FRMD3: variants seen among roughly 807,000 people sequenced by gnomAD.
FRMD3 encodes the protein FERM domain-containing protein 3.
Under a neutral mutation model 70.2 loss-of-function variants are expected in FRMD3, and 33 were observed. That is an observed-to-expected ratio of 0.47 (90% CI 0.36 to 0.63). The LOEUF is 0.63. Ranked by LOEUF, FRMD3 falls within the 20% of genes least tolerant of loss-of-function variation. The pLI is 0.00. For synonymous variants in FRMD3, 279 were observed against 255.9 expected (o/e 1.09, Z -0.86); for missense variants, 632 against 711.4 (o/e 0.89, Z 1.27).
At chr9:83,542,730 A>G (rs1830012576), upstream of FRMD3, among the ~76,000 whole-genome samples, 1 of 152,238 alleles carries the variant, frequency 6.6e-6, no homozygotes, top group African/African-American at 2.4e-5. Flanking sequence ...TCAAGGCAGT[A>G]TGGTACTGGC....
At chr9:83,389,477 C>G in intron 2 of FRMD3, 127 bp downstream of exon 2, 1 of 671,022 alleles carries the variant, frequency 1.5e-6, no homozygotes, top group African/African-American at 1.8e-5. Context: ...TCTGCTCACA[C>G]AGGGTTTCAT....
chr9:83,414,401 A>G (rs943143435), intron 1 of FRMD3, among the ~76,000 whole-genome samples: 5 of 152,238 alleles, frequency 3.3e-5, no homozygotes, highest in African/African-American at 9.6e-5. Context: ...ATATAAGAGT[A>G]CATCATCATG....
intron 1 of FRMD3, among the ~76,000 whole-genome samples, chr9:83,399,001 G>A (rs1825878715): frequency 6.6e-6 from 1 of 152,230 alleles, no homozygotes; most frequent in South Asian, 2.1e-4. Flanking sequence ...AAACCCAACT[G>A]CTTATCTAAT....
chr9:83,301,685 A>G (rs1834935514), intron 10 of FRMD3, among the ~76,000 whole-genome samples: 1 of 152,258 alleles, frequency 6.6e-6, no homozygotes. Flanking sequence ...GTTTGGCCTT[A>G]GCTCTGGCCC....
intron 6 of FRMD3, among the ~76,000 whole-genome samples, chr9:83,331,210 T>C (rs1439557962): frequency 1.3e-5 from 2 of 152,242 alleles, no homozygotes; most frequent in Non-Finnish European, 2.9e-5. Flanking sequence ...CAAGATGTCT[T>C]TCAGCAGGTA....
chr9:83,514,455 A>G (rs1458428416), intron 1 of FRMD3, among the ~76,000 whole-genome samples: 1 of 152,228 alleles, frequency 6.6e-6, no homozygotes, highest in Non-Finnish European at 1.5e-5. Flanking sequence ...GAAAGGCAGC[A>G]GCTCCAGTCA....
At chr9:83,370,673 A>T (rs1221523786) in intron 3 of FRMD3, among the ~76,000 whole-genome samples, 1 of 152,186 alleles carries the variant, frequency 6.6e-6, no homozygotes, top group African/African-American at 2.4e-5. Flanking sequence ...ACACTTTGGG[A>T]GGCAGAGGCA....
intron 7 of FRMD3, among the ~76,000 whole-genome samples, chr9:83,312,358 G>A (rs1237634409): frequency 6.6e-6 from 1 of 152,136 alleles, no homozygotes; most frequent in African/African-American, 2.4e-5. Context: ...TGAAACCAAA[G>A]CCCTGAGCAT....
chr9:83,421,624 G>A (rs1826646774), intron 1 of FRMD3, among the ~76,000 whole-genome samples: 1 of 152,146 alleles, frequency 6.6e-6, no homozygotes, highest in Admixed American at 6.5e-5. Flanking sequence ...TTCATAAGAT[G>A]GCAGCTGAGG....
At chr9:83,258,935 G>A (rs980273152) in intron 13 of FRMD3, among the ~76,000 whole-genome samples, 3 of 152,168 alleles carry the variant, frequency 2.0e-5, no homozygotes, top group African/African-American at 7.2e-5. Context: ...AGCCCATGCT[G>A]GCATCCAACT....
intron 2 of FRMD3, among the ~76,000 whole-genome samples, chr9:83,374,763 A>T (rs1825090285): frequency 6.6e-6 from 1 of 152,230 alleles, no homozygotes; most frequent in South Asian, 2.1e-4. Context: ...TTTAATAGGT[A>T]CAGTTTAATT....
At chr9:83,320,046 A>C (rs997541647) in intron 6 of FRMD3, among the ~76,000 whole-genome samples, 1 of 152,200 alleles carries the variant, frequency 6.6e-6, no homozygotes, top group African/African-American at 2.4e-5. Flanking sequence ...ATTAAATCTA[A>C]GAATCTTTTG....
intron 13 of FRMD3, among the ~76,000 whole-genome samples, chr9:83,254,665 A>G (rs1199709581): frequency 6.6e-6 from 1 of 152,204 alleles, no homozygotes; most frequent in Non-Finnish European, 1.5e-5. Flanking sequence ...GAAGAGTCAA[A>G]TAAACACAAT....
intron 13 of FRMD3, among the ~76,000 whole-genome samples, chr9:83,271,362 G>A (rs1026287017): frequency 6.6e-6 from 1 of 152,002 alleles, no homozygotes; most frequent in African/African-American, 2.4e-5. Context: ...GAGTCCTTGG[G>A]ACTAACATAT....
intron 13 of FRMD3, among the ~76,000 whole-genome samples, chr9:83,249,368 G>C (rs1587612877): frequency 1.3e-5 from 2 of 152,110 alleles, no homozygotes; most frequent in Admixed American, 6.5e-5. Flanking sequence ...AGTTACCTAT[G>C]GTCAGACCTA....
At chr9:83,310,414 G>A in intron 9 of FRMD3, 71 bp downstream of exon 9, 1 of 1,175,490 alleles carries the variant, frequency 8.5e-7, no homozygotes, top group East Asian at 2.4e-5. Context: ...CAATACTAAA[G>A]GCATATTTTA....
intron 13 of FRMD3, among the ~76,000 whole-genome samples, chr9:83,264,923 G>C (rs773230549): frequency 1.9e-4 from 29 of 151,948 alleles, no homozygotes; most frequent in Non-Finnish European, 3.8e-4. Context: ...TGCCAATTTT[G>C]AAGGTCATAA....
Position 83,421,416 on chromosome 9 carries a change from T to C in FRMD3, c.148-31708A>G, listed in dbSNP as rs145297476. On this transcript the variant is annotated intron_variant, in intron 1 of 13. Transcript: ENST00000304195. ...ACATTTTTGCATTGAATCCTCATCA[T>C]GGCCTTGCAAACAGGCATTATTAGC... 1.1e-3 allele frequency among the ~76,000 whole-genome samples: 165 copies of C among 152,344 alleles called. 1 individual carries two copies. The highest frequency in any genetic ancestry group is 3.8e-3 in the African/African-American group (156 of 41,574).
At chr9:83,465,471 C>G (rs891335621) in intron 1 of FRMD3, among the ~76,000 whole-genome samples, 1 of 152,192 alleles carries the variant, frequency 6.6e-6, no homozygotes, top group South Asian at 2.1e-4. Flanking sequence ...CCCTTCTTTC[C>G]TTCCTCTGTC....
Sources: gnomAD v4.1 joint callset for allele counts (sites outside exome capture counted in the v4.1 genomes callset) on GRCh38, gnomAD v4.1.1 for gene constraint, MANE v1.5 for transcripts, NCBI Gene and HGNC (gene_info 2026-07-23, HGNC 2026-07-21) for gene names.